The following RNF150 variants were observed in gnomAD, a reference collection of about 807,000 sequenced individuals.
RNF150 encodes ring finger protein 150.
RNF150 carries 24 observed loss-of-function variants against 39.3 expected under a neutral mutation model. That is an observed-to-expected ratio of 0.61 (90% CI 0.44 to 0.86). The LOEUF (loss-of-function observed/expected upper bound fraction) is 0.86. RNF150 is among the 40% of genes least tolerant of loss of function. The pLI is 0.00. For synonymous variants in RNF150, 255 were observed against 227.3 expected (o/e 1.12, Z -1.10); for missense variants, 502 against 587.8 (o/e 0.85, Z 1.51).
intron 1 of RNF150, among the ~76,000 whole-genome samples, chr4:141,036,402 T>C (rs1413026450): frequency 2.0e-5 from 3 of 152,154 alleles, no homozygotes; most frequent in Admixed American, 2.0e-4. Flanking sequence ...ACACATGACA[T>C]AAAATTGACC....
chr4:141,112,762 T>C (rs184874769), intron 1 of RNF150, among the ~76,000 whole-genome samples: 2 of 152,178 alleles, frequency 1.3e-5, no homozygotes, highest in Admixed American at 6.5e-5. Flanking sequence ...CGAATTTGAA[T>C]GTTGGCCTGT....
chr4:141,198,313 C>T (rs1022126810), intron 1 of RNF150, among the ~76,000 whole-genome samples: 2 of 152,172 alleles, frequency 1.3e-5, no homozygotes, highest in Admixed American at 6.5e-5. Flanking sequence ...AGCCATGAGC[C>T]ACCATGCCCA....
chr4:141,035,378 C>A (rs568461720), intron 1 of RNF150, among the ~76,000 whole-genome samples: 1 of 152,292 alleles, frequency 6.6e-6, no homozygotes, highest in Admixed American at 6.5e-5. Context: ...CAACATCAGG[C>A]ATGCAGTGTC....
At position 141,132,838 on chromosome 4, in the gene RNF150, C is replaced by T. The variant is rs1272668213; in HGVS notation, c.-30G>A. The T allele has an allele frequency of 6.3e-7, 1 of 1,584,044 alleles. No individual in the cohort carries two copies. Among genetic ancestry groups the T allele is most frequent in the African/African-American group, 1.4e-5 (1 of 73,624 alleles). On this transcript the variant is annotated 5_prime_UTR_variant, in exon 1 of 7. Coordinates refer to ENST00000515673, the MANE Select transcript of RNF150 (RefSeq NM_020724.2). This position sits in a 1 kb window ranked among gnomAD's most constrained non-coding sequence, Gnocchi z 4.9. ...ATCCGCCGGGGCCCCCTCCCCGCCC[C>T]CGCGCCCTCCCTCCGTCCCGTCCCT...
chr4:141,138,049 T>G (rs573858706), upstream of RNF150, among the ~76,000 whole-genome samples: 2 of 152,332 alleles, frequency 1.3e-5, no homozygotes, highest in African/African-American at 4.8e-5. Flanking sequence ...TTTCTCTGAG[T>G]GTCAGCAAAT....
At chr4:141,015,437 G>T (rs538091023) in intron 1 of RNF150, among the ~76,000 whole-genome samples, 1 of 152,222 alleles carries the variant, frequency 6.6e-6, no homozygotes, top group South Asian at 2.1e-4. Flanking sequence ...TATTTCATCA[G>T]TGTTTTATAG....
In RNF150 at chr4:141,019,080, A is replaced by ATATATATG. The variant is rs1174014870; in HGVS notation, c.485-51208_485-51207insCATATATA. 1.5e-3 allele frequency among the ~76,000 whole-genome samples: 207 copies of ATATATATG among 136,772 alleles called. 10 individuals are homozygous for ATATATATG. Among genetic ancestry groups the ATATATATG allele is most frequent in the East Asian group, 3.5e-3 (15 of 4,312 alleles). 89.7% of individuals were successfully genotyped at this position (136,772 alleles called of 152,430 possible). Reference sequence around the variant, plus strand: ...TATATATATATATATATATATATATATGGAACTTTACACAAAAGAATGTTA... The same window carrying ATATATATG: ...TATATATATATATATATATATATATATATATATGTGGAACTTTACACAAAAGAATGTTA... On this transcript the variant is annotated intron_variant, in intron 1 of 6. Transcript: ENST00000515673.
intron 1 of RNF150, among the ~76,000 whole-genome samples, chr4:140,975,028 G>A (rs995920863): frequency 3.9e-5 from 6 of 152,104 alleles, no homozygotes; most frequent in Non-Finnish European, 7.4e-5. Flanking sequence ...GGCCAAGGCA[G>A]GAGGATTGCT....
At chr4:140,913,229 C>T (rs1421230280) in intron 5 of RNF150, among the ~76,000 whole-genome samples, 2 of 152,158 alleles carry the variant, frequency 1.3e-5, no homozygotes, top group African/African-American at 4.8e-5. Flanking sequence ...CCACTGCACT[C>T]CAGCCTGGCG....
chr4:141,010,673 T>G (rs1422415850), intron 1 of RNF150, among the ~76,000 whole-genome samples: 2 of 152,122 alleles, frequency 1.3e-5, no homozygotes, highest in Non-Finnish European at 2.9e-5. Context: ...TGCGTGAGCA[T>G]GTGTGGACAG....
At chr4:141,089,166 T>C (rs1466524683) in intron 1 of RNF150, among the ~76,000 whole-genome samples, 1 of 152,162 alleles carries the variant, frequency 6.6e-6, no homozygotes, top group Non-Finnish European at 1.5e-5. Context: ...TCAAGACAGA[T>C]AAATCTGACA....
intron 1 of RNF150, among the ~76,000 whole-genome samples, chr4:141,066,881 T>A (rs966236966): frequency 6.6e-6 from 1 of 152,170 alleles, no homozygotes; most frequent in African/African-American, 2.4e-5. Flanking sequence ...TGTGCAAACA[T>A]CATAAAATGT....
chr4:141,187,023 A>G (rs548420858), intron 1 of RNF150, among the ~76,000 whole-genome samples: 23 of 152,176 alleles, frequency 1.5e-4, no homozygotes, highest in Non-Finnish European at 3.1e-4. Flanking sequence ...ACACTGCTTT[A>G]GCTGTATCCC....
chr4:140,962,095 T>TAC (rs1222355228), intron 2 of RNF150, among the ~76,000 whole-genome samples: 1 of 150,884 alleles, frequency 6.6e-6, no homozygotes, highest in African/African-American at 2.4e-5. Flanking sequence ...TCTCTCTCTC[T>TAC]ACACACACGC....
At chr4:141,123,280 C>T (rs1185795723) in intron 1 of RNF150, among the ~76,000 whole-genome samples, 1 of 152,156 alleles carries the variant, frequency 6.6e-6, no homozygotes, top group Non-Finnish European at 1.5e-5. Context: ...AAAATATTGT[C>T]TAAATGCCCC....
chr4:140,974,614 C>T (rs923049792), intron 1 of RNF150, among the ~76,000 whole-genome samples: 1 of 152,100 alleles, frequency 6.6e-6, no homozygotes, highest in African/African-American at 2.4e-5. Context: ...TTTACATTCC[C>T]ACCAGCAATG....
At chr4:141,086,173 T>G (rs964819273) in intron 1 of RNF150, among the ~76,000 whole-genome samples, 6 of 152,146 alleles carry the variant, frequency 3.9e-5, no homozygotes, top group African/African-American at 1.4e-4. Flanking sequence ...CCATGCTCTC[T>G]CTATACATAA....
rs185474254 is a variant in RNF150, at chr4:141,118,863, C to T, written c.484+13462G>A. On this transcript the variant is annotated intron_variant, in intron 1 of 6. Coordinates refer to ENST00000515673, the MANE Select transcript of RNF150 (RefSeq NM_020724.2). Reference sequence around the variant, plus strand: ...ACAACCTCCGACTCCTGGGTTCAAGCGATTCTCCTGCCTCAGCCTCCCGGG... The same window carrying T: ...ACAACCTCCGACTCCTGGGTTCAAGTGATTCTCCTGCCTCAGCCTCCCGGG... 6.6e-5 allele frequency among the ~76,000 whole-genome samples: 10 copies of T among 152,196 alleles called. No homozygotes were observed. The East Asian group carries it at 9.7e-4, about 15-fold the overall frequency.
chr4:140,887,737 C>A (rs1044008733), intron 6 of RNF150, among the ~76,000 whole-genome samples: 2 of 151,970 alleles, frequency 1.3e-5, no homozygotes, highest in Non-Finnish European at 2.9e-5. Flanking sequence ...AGCTGCAGAA[C>A]ACAGCAAAGC....
Sources: allele counts gnomAD v4.1 joint callset (sites outside exome capture counted in the v4.1 genomes callset), GRCh38; gene constraint gnomAD v4.1.1; non-coding constraint Gnocchi (gnomAD v3.1); transcripts MANE v1.5; gene names NCBI Gene and HGNC (gene_info 2026-07-23, HGNC 2026-07-21).